The following MALRD1 variants were observed in gnomAD, a reference collection of about 807,000 sequenced individuals.
MALRD1 encodes the protein MAM and LDL-receptor class A domain-containing protein 1.
A neutral mutation model predicts 242.1 loss-of-function variants in MALRD1; 247 were observed. That is an observed-to-expected ratio of 1.02 (90% CI 0.92 to 1.13). The LOEUF is 1.13. Among genes scored for constraint, MALRD1 ranks in the 50% most tolerant of loss-of-function variants. MALRD1 has a pLI of 0.00. For synonymous variants in MALRD1, 995 were observed against 866.6 expected, an observed-to-expected ratio of 1.15 and a Z score of -2.60; for missense variants, 2,989 against 2,533.1, an observed-to-expected ratio of 1.18 and a Z score of -3.86.
chr10:19,387,901 T>G (rs942886837), intron 27 of MALRD1, 128 bp downstream of exon 27: 1 of 1,197,342 alleles, frequency 8.4e-7, no homozygotes, highest in Non-Finnish European at 1.1e-6. Context: ...GATCAAACAT[T>G]TAGTGAGTGT....
intron 32 of MALRD1, among the ~76,000 whole-genome samples, chr10:19,544,334 C>T (rs1835110619): frequency 6.6e-6 from 1 of 151,972 alleles, no homozygotes; most frequent in Non-Finnish European, 1.5e-5. Context: ...AATACAGGTG[C>T]CTGCCACCAT....
At position 19,283,154 on chromosome 10, in the gene MALRD1, A is replaced by G. The variant is rs1164099692; in HGVS notation, c.3392A>G (p.Asn1131Ser). ...NGISIHHGEE[N>S]HRPSVDHTQN... Reference sequence around the variant, plus strand: ...ATCAGCATTCATCATGGGGAAGAAAACCACAGGCCATCAGTGGATCATACA... The same window carrying G: ...ATCAGCATTCATCATGGGGAAGAAAGCCACAGGCCATCAGTGGATCATACA... The change falls in exon 21 of 40, where the codon AAC becomes AGC. Residue 1131 changes from asparagine to serine, a missense_variant. Physicochemically the swap from Asn to Ser is conservative, Grantham distance 46 (BLOSUM62 1). Transcript: ENST00000454679. The G allele has an allele frequency of 1.3e-6, 2 of 1,548,016 alleles. No homozygotes were observed. Among genetic ancestry groups the G allele is most frequent in the Non-Finnish European group, 1.7e-6 (2 of 1,145,526 alleles).
At chr10:19,278,596 G>A (rs1172737312) in intron 19 of MALRD1, among the ~76,000 whole-genome samples, 1 of 152,118 alleles carries the variant, frequency 6.6e-6, no homozygotes, top group African/African-American at 2.4e-5. Flanking sequence ...AGGGATGAAA[G>A]ATGCCATTCT....
chr10:19,539,863 T>C (rs1335936781), intron 32 of MALRD1, among the ~76,000 whole-genome samples: 3 of 52,400 alleles, frequency 5.7e-5, no homozygotes, highest in African/African-American at 2.2e-4. Flanking sequence ...TGTGCGTGTG[T>C]GTGTGTGTGT....
chr10:19,238,393 T>C lies in MALRD1; in HGVS notation c.2992-19291T>C, dbSNP rs1244817040. Among the ~76,000 whole-genome samples the C allele has an allele frequency of 1.1e-4, 9 of 83,614 alleles. No individual in the cohort carries two copies. The East Asian group carries it at 2.9e-3, about 27-fold the overall frequency. The allele number at this position is 83,614 out of a possible 152,430, so 54.9% of individuals were successfully genotyped here. On this transcript the variant is annotated intron_variant, in intron 18 of 39. Coordinates refer to ENST00000454679, the MANE Select transcript of MALRD1 (RefSeq NM_001142308.3). ...TATATTATACATAATATATTATATA[T>C]GTTATATATTATGTATAATATATAA...
intron 34 of MALRD1, among the ~76,000 whole-genome samples, chr10:19,603,058 A>G (rs974776700): frequency 6.6e-6 from 1 of 151,850 alleles, no homozygotes; most frequent in African/African-American, 2.4e-5. Context: ...TTTTCTTGTA[A>G]ATTTGTTTGA....
chr10:19,628,447 A>G lies in MALRD1; in HGVS notation c.6137+12524A>G, dbSNP rs567672668. ...GAATAGTATGTAACACTTTTTTAAA[A>G]TAGAAGATATAAATCCTGACATAGA... On this transcript the variant is annotated intron_variant, in intron 36 of 39. Coordinates refer to ENST00000454679, the MANE Select transcript of MALRD1 (RefSeq NM_001142308.3). 2.6e-5 allele frequency among the ~76,000 whole-genome samples: 4 copies of G among 152,302 alleles called. No homozygotes were observed. The East Asian group carries it at 5.8e-4, about 22-fold the overall frequency.
At chr10:19,608,759 T>A (rs944419873) in intron 35 of MALRD1, among the ~76,000 whole-genome samples, 1 of 152,008 alleles carries the variant, frequency 6.6e-6, no homozygotes, top group African/African-American at 2.4e-5. Context: ...AAAAGTCTTA[T>A]TTTTTTATAC....
rs114367245 is a variant in MALRD1, at chr10:19,234,073, A to G, written c.2992-23611A>G. The stretch of plus-strand genomic sequence containing the variant: ...AGCAACATAATAAAATAGAAATAGT[A>G]TCAAGACAGGAGTTAGAATACCTGG... On this transcript the variant is annotated intron_variant, in intron 18 of 39. Coordinates refer to ENST00000454679, the MANE Select transcript of MALRD1 (RefSeq NM_001142308.3). Among the ~76,000 whole-genome samples the G allele has an allele frequency of 8.6e-3, 1,315 of 152,220 alleles. 23 individuals are homozygous for G. Among genetic ancestry groups the G allele is most frequent in the African/African-American group, 0.03 (1,251 of 41,566 alleles).
intron 34 of MALRD1, among the ~76,000 whole-genome samples, chr10:19,603,259 G>T (rs948104694): frequency 1.3e-5 from 2 of 152,152 alleles, no homozygotes; most frequent in Non-Finnish European, 2.9e-5. Context: ...TAGACATGAA[G>T]TCCTTGCCCA....
chr10:19,148,059 A>C (rs1237995291), intron 11 of MALRD1, among the ~76,000 whole-genome samples: 1 of 152,212 alleles, frequency 6.6e-6, no homozygotes, highest in Non-Finnish European at 1.5e-5. Context: ...CCAGGTAGTC[A>C]TGTTAAAGCA....
chr10:19,306,302 G>A (rs564037260), intron 21 of MALRD1, among the ~76,000 whole-genome samples: 221 of 133,958 alleles, frequency 1.6e-3, no homozygotes, highest in Admixed American at 2.9e-3. Context: ...ATATAGTGTC[G>A]TATATATACC....
intron 4 of MALRD1, among the ~76,000 whole-genome samples, chr10:19,100,569 G>T (rs1836214036): frequency 1.3e-5 from 2 of 150,168 alleles, no homozygotes; most frequent in Non-Finnish European, 2.9e-5. Context: ...GGAGTTTTGA[G>T]CATTGGAGAG....
At position 19,692,315 on chromosome 10, in the gene MALRD1, T is replaced by C. The variant is rs1222903793; in HGVS notation, c.6171T>C (p.His2057=). 2.0e-6 allele frequency: 3 copies of C among 1,535,182 alleles called. No individual in the cohort carries two copies. The highest frequency in any genetic ancestry group is 3.9e-5 in the Admixed American group (2 of 50,924). ...CRQGWKGNRC[H]IKFNPPATDF... is the part of the protein sequence containing the mutation. ...AAGGCTGGAAAGGAAATCGATGCCA[T>C]ATCAAGTTTAATCCTCCTGCTACAG... Residue 2057 remains histidine (H), a synonymous_variant, in exon 37 of 40, where the codon CAT becomes CAC. Coordinates refer to ENST00000454679, the MANE Select transcript of MALRD1 (RefSeq NM_001142308.3).
rs117906834 is a variant in MALRD1 at position 19,603,934 on chromosome 10, C to G, written c.5945-3843C>G. Among the ~76,000 whole-genome samples, 392 of 152,272 alleles carry G rather than the reference C, an allele frequency of 2.6e-3. 6 individuals are homozygous for G. In the East Asian group the frequency reaches 0.058, roughly 23 times the overall value. ...ACCAACCAGCCATTCCCCTGTTTGTCTTTTCCTCTCCTTGGGTCTCCCCAT... is the reference window on the plus strand; with the variant it reads ...ACCAACCAGCCATTCCCCTGTTTGTGTTTTCCTCTCCTTGGGTCTCCCCAT... On this transcript the variant is annotated intron_variant, in intron 34 of 39. Transcript: ENST00000454679.
Position 19,567,481 on chromosome 10 carries a change from AT to A in MALRD1, c.5479-15del, listed in dbSNP as rs1456686213. ...TTCTAATATCCAATCATAAAAAGTTATTTTTTAATGATTTTTAAAGGTGTAT... is the reference window on the plus strand; with the variant it reads ...TTCTAATATCCAATCATAAAAAGTTATTTTTAATGATTTTTAAAGGTGTAT... On this transcript the variant is annotated intron_variant, in intron 32 of 39. Coordinates refer to ENST00000454679, the MANE Select transcript of MALRD1 (RefSeq NM_001142308.3). 1.8e-5 allele frequency: 28 copies of A among 1,543,508 alleles called. No homozygotes were observed. Among genetic ancestry groups the A allele is most frequent in the Non-Finnish European group, 2.3e-5 (26 of 1,142,884 alleles).
chr10:19,546,707 G>T (rs78819451), intron 32 of MALRD1, among the ~76,000 whole-genome samples: 3,020 of 152,228 alleles, frequency 0.02, 57 homozygotes, highest in East Asian at 0.1. Context: ...TTCTGTTTAT[G>T]TATTTTCATC....
At chr10:19,419,732 C>T (rs970437908) in intron 28 of MALRD1, among the ~76,000 whole-genome samples, 8 of 152,100 alleles carry the variant, frequency 5.3e-5, no homozygotes, top group Admixed American at 1.3e-4. Context: ...TATATTCATA[C>T]TTTAATTGTA....
intron 19 of MALRD1, among the ~76,000 whole-genome samples, chr10:19,271,875 G>T (rs534535293): frequency 6.6e-6 from 1 of 152,180 alleles, no homozygotes; most frequent in African/African-American, 2.4e-5. Context: ...GCAAATAAAT[G>T]AAAAATAATT....
Sources: gnomAD v4.1 joint callset for allele counts (sites outside exome capture counted in the v4.1 genomes callset) on GRCh38, gnomAD v4.1.1 for gene constraint, MANE v1.5 for transcripts, NCBI Gene and HGNC (gene_info 2026-07-23, HGNC 2026-07-21) for gene names.